Variants in CCDC170 observed in about 807,000 individuals in gnomAD.
CCDC170 encodes the protein coiled-coil domain-containing protein 170.
Under a neutral mutation model 72.6 loss-of-function variants are expected in CCDC170, and 69 were observed. The observed-to-expected ratio is 0.95, with a 90% CI of 0.78 to 1.16. CCDC170 has a LOEUF of 1.16. CCDC170 is among the 50% of genes most tolerant of loss of function. CCDC170 has a pLI of 0.00. For missense variants in CCDC170, 852 were observed against 832.5 expected, an observed-to-expected ratio of 1.02 and a Z score of -0.29; for synonymous variants, 300 against 303.9, an observed-to-expected ratio of 0.99 and a Z score of 0.13.
chr6:151,573,070 C>T (rs1451794553), intron 5 of CCDC170, 104 bp from the exon 6 acceptor site: 13 of 1,023,040 alleles, frequency 1.3e-5, no homozygotes, highest in Non-Finnish European at 1.9e-5. Context: ...AACCCAACCC[C>T]TTGTAGTCAT....
intron 1 of CCDC170, among the ~76,000 whole-genome samples, chr6:151,520,388 G>A (rs1451749895): frequency 6.6e-6 from 1 of 152,242 alleles, no homozygotes; most frequent in East Asian, 1.9e-4. Context: ...TTATGACTGA[G>A]ACAGTGAAAG....
intron 5 of CCDC170, among the ~76,000 whole-genome samples, chr6:151,563,546 C>A (rs1250277170): frequency 2.0e-5 from 3 of 152,112 alleles, no homozygotes; most frequent in African/African-American, 7.2e-5. Flanking sequence ...TGCAAGAGAT[C>A]TAGTGGTACA....
intron 1 of CCDC170, among the ~76,000 whole-genome samples, chr6:151,521,034 G>C (rs1346958244): frequency 6.6e-6 from 1 of 152,162 alleles, no homozygotes; most frequent in African/African-American, 2.4e-5. Flanking sequence ...CCCATTGGGT[G>C]GTTACAAAAA....
chr6:151,569,555 A>G (rs1378343227), intron 5 of CCDC170, among the ~76,000 whole-genome samples: 1 of 152,144 alleles, frequency 6.6e-6, no homozygotes, highest in African/African-American at 2.4e-5. Flanking sequence ...GCTCACAGGA[A>G]GCTTTATGTT....
intron 1 of CCDC170, among the ~76,000 whole-genome samples, chr6:151,494,753 G>A (rs1254600781): frequency 1.3e-5 from 2 of 151,812 alleles, no homozygotes; most frequent in Admixed American, 6.6e-5. Context: ...ACGAACATGC[G>A]CGCATACACA....
At chr6:151,501,021 G>T (rs4869733) in intron 1 of CCDC170, among the ~76,000 whole-genome samples, 1 of 151,922 alleles carries the variant, frequency 6.6e-6, no homozygotes, top group Non-Finnish European at 1.5e-5. Context: ...TTACCCAAGG[G>T]AATAAATGCC....
At chr6:151,561,548 TC>T (rs1259374349) in intron 5 of CCDC170, among the ~76,000 whole-genome samples, 2 of 152,134 alleles carry the variant, frequency 1.3e-5, no homozygotes, top group African/African-American at 4.8e-5. Flanking sequence ...CTCAATCTCT[TC>T]TGGCTTGTAA....
At position 151,592,706 on chromosome 6, in the gene CCDC170, G is replaced by C. The variant is rs116513976; in HGVS notation, c.1294-401G>C. On this transcript the variant is annotated intron_variant, in intron 7 of 10. Coordinates refer to ENST00000239374, the MANE Select transcript of CCDC170 (RefSeq NM_025059.4). ...CTACAATTCAGGATGAGATATGAGT[G>C]GTGACACAGCCAAACCATATCAATG... Among the ~76,000 whole-genome samples the C allele has an allele frequency of 6.1e-3, 929 of 152,302 alleles. 10 individuals are homozygous for C. Among genetic ancestry groups the C allele is most frequent in the African/African-American group, 0.02 (847 of 41,570 alleles).
chr6:151,529,776 C>A (rs1782468246), intron 1 of CCDC170, among the ~76,000 whole-genome samples: 1 of 152,088 alleles, frequency 6.6e-6, no homozygotes, highest in Non-Finnish European at 1.5e-5. Flanking sequence ...TGTCTTAGTC[C>A]AGTTTCTGTT....
intron 7 of CCDC170, among the ~76,000 whole-genome samples, chr6:151,587,632 G>A (rs1776473254): frequency 6.6e-6 from 1 of 152,196 alleles, no homozygotes; most frequent in Admixed American, 6.5e-5. Flanking sequence ...CCTGCATTGA[G>A]GTTGGATATG....
At chr6:151,579,295 G>A (rs907116503) in intron 6 of CCDC170, among the ~76,000 whole-genome samples, 1 of 152,110 alleles carries the variant, frequency 6.6e-6, no homozygotes, top group Non-Finnish European at 1.5e-5. Context: ...TCAGGCACTG[G>A]CATTTGATGT....
chr6:151,525,372 C>T (rs1393000047), intron 1 of CCDC170, among the ~76,000 whole-genome samples: 1 of 152,216 alleles, frequency 6.6e-6, no homozygotes, highest in Non-Finnish European at 1.5e-5. Context: ...TGCAGAACCA[C>T]AAAAGAAGTG....
intron 1 of CCDC170, among the ~76,000 whole-genome samples, chr6:151,501,411 G>A (rs997489302): frequency 3.3e-5 from 5 of 152,148 alleles, no homozygotes; most frequent in African/African-American, 1.2e-4. Flanking sequence ...GATTACCTTA[G>A]TTGTATAAGT....
intron 5 of CCDC170, among the ~76,000 whole-genome samples, chr6:151,557,395 C>A (rs559071931): frequency 2.9e-5 from 4 of 138,720 alleles, no homozygotes; most frequent in Admixed American, 7.5e-5. Flanking sequence ...GGTGACAGAG[C>A]GAGATTCTGT....
At chr6:151,581,985 A>G (rs1776384495) in intron 6 of CCDC170, among the ~76,000 whole-genome samples, 2 of 152,220 alleles carry the variant, frequency 1.3e-5, no homozygotes, top group Admixed American at 1.3e-4. Flanking sequence ...CCATTTCTAG[A>G]GCACAGTCAG....
intron 5 of CCDC170, 48 bp from the exon 6 acceptor site, chr6:151,573,126 C>T (rs887203031): frequency 5.2e-6 from 8 of 1,528,920 alleles, no homozygotes; most frequent in Admixed American, 1.8e-5. Flanking sequence ...GCAGGTGTAC[C>T]CTGTTGACTT....
intron 1 of CCDC170, among the ~76,000 whole-genome samples, chr6:151,517,147 C>A (rs1252854793): frequency 6.6e-6 from 1 of 152,030 alleles, no homozygotes; most frequent in Non-Finnish European, 1.5e-5. Context: ...CCAGCCTGAC[C>A]AACATGGAGA....
intron 6 of CCDC170, among the ~76,000 whole-genome samples, chr6:151,578,006 C>G (rs1776328334): frequency 1.3e-5 from 2 of 152,172 alleles, no homozygotes; most frequent in South Asian, 4.1e-4. Context: ...CCCTCCTCCC[C>G]ATTCTGATCT....
At chr6:151,596,276 C>T in intron 8 of CCDC170, 59 bp from the exon 9 acceptor site, 1 of 1,488,668 alleles carries the variant, frequency 6.7e-7, no homozygotes, top group South Asian at 1.4e-5. Context: ...CTGGGTAACT[C>T]ATTTATATTT....
Sources: allele counts gnomAD v4.1 joint callset (sites outside exome capture counted in the v4.1 genomes callset), GRCh38; gene constraint gnomAD v4.1.1; transcripts MANE v1.5; gene names NCBI Gene and HGNC (gene_info 2026-07-23, HGNC 2026-07-21).